SPECC1: variants seen among roughly 807,000 people sequenced by gnomAD.
SPECC1 encodes the protein cytospin-B.
Under a neutral mutation model 104.1 loss-of-function variants are expected in SPECC1, and 62 were observed. The ratio of observed to expected loss-of-function variants is 0.60; its 90% CI spans 0.49 to 0.74. The LOEUF is 0.74. Among genes scored for constraint, SPECC1 ranks in the 30% least tolerant of loss-of-function variants. The probability of loss-of-function intolerance (pLI) is 0.00; values close to 1 mark genes in which losing one functional copy is unlikely to be tolerated. For missense variants in SPECC1, 1,306 were observed against 1,310.5 expected, an observed-to-expected ratio of 1.00 and a Z score of 0.05; for synonymous variants, 513 against 501.6, an observed-to-expected ratio of 1.02 and a Z score of -0.30.
intron 1 of SPECC1, among the ~76,000 whole-genome samples, chr17:20,028,308 T>C (rs1022384325): frequency 2.6e-5 from 4 of 151,998 alleles, no homozygotes; most frequent in Admixed American, 6.6e-5. Flanking sequence ...CCCAGACCTA[T>C]TTGTTGAAAA....
chr17:20,022,646 C>T (rs751968402), intron 1 of SPECC1, among the ~76,000 whole-genome samples: 3 of 152,206 alleles, frequency 2.0e-5, no homozygotes, highest in Non-Finnish European at 4.4e-5. Context: ...TATTTCAGTC[C>T]TGGCTAGAGT....
intron 1 of SPECC1, among the ~76,000 whole-genome samples, chr17:20,048,822 G>T (rs747830766): frequency 3.3e-5 from 5 of 151,992 alleles, no homozygotes; most frequent in Non-Finnish European, 7.4e-5. Flanking sequence ...AACCCAGGAG[G>T]TCGAGGCTGC....
chr17:20,024,697 T>C (rs1430515226), intron 1 of SPECC1, among the ~76,000 whole-genome samples: 1 of 152,150 alleles, frequency 6.6e-6, no homozygotes, highest in Non-Finnish European at 1.5e-5. Context: ...CCCCTTGTTT[T>C]CTGCTTTGCA....
intron 1 of SPECC1, among the ~76,000 whole-genome samples, chr17:20,045,207 G>A (rs546649292): frequency 2.6e-5 from 4 of 151,854 alleles, no homozygotes; most frequent in Non-Finnish European, 4.4e-5. Flanking sequence ...AGCCCATCCT[G>A]CTGCTGCTTG....
chr17:20,295,410 A>G (rs1057004058), intron 12 of SPECC1, among the ~76,000 whole-genome samples: 6 of 152,104 alleles, frequency 3.9e-5, no homozygotes, highest in Non-Finnish European at 8.8e-5. Flanking sequence ...TTCTTAATCC[A>G]GTCTATCATT....
chr17:20,021,952 TA>T (rs1289350356), intron 1 of SPECC1, among the ~76,000 whole-genome samples: 1 of 150,390 alleles, frequency 6.6e-6, no homozygotes, highest in Admixed American at 6.6e-5. Context: ...ATTATTATTA[TA>T]TTTTTTGAGA....
intron 1 of SPECC1, among the ~76,000 whole-genome samples, chr17:20,094,590 G>A (rs2047557031): frequency 6.6e-6 from 1 of 152,104 alleles, no homozygotes; most frequent in African/African-American, 2.4e-5. Context: ...CATTTCAGGG[G>A]TAACCTGGGC....
rs763245009 is a variant in SPECC1, at chr17:20,315,126, AG to A, written c.*1064del. On this transcript the variant is annotated 3_prime_UTR_variant, in exon 15 of 15. Coordinates refer to ENST00000395527, the MANE Select transcript of SPECC1 (RefSeq NM_001243439.2). ...TGTGAATGGCCTGTGTCTGCTTTAC[AG>A]GGTTGAGCAGGCTGAGGGTGTGTGC... 3 of 232,936 alleles carry A rather than the reference AG, an allele frequency of 1.3e-5. No homozygotes were observed. Among genetic ancestry groups the A allele is most frequent in the African/African-American group, 2.2e-5 (1 of 45,342 alleles). 14.4% of individuals were successfully genotyped at this position (232,936 alleles called of 1,614,324 possible).
intron 1 of SPECC1, among the ~76,000 whole-genome samples, chr17:20,016,516 G>GT (rs1567794143): frequency 6.6e-6 from 1 of 152,192 alleles, no homozygotes; most frequent in Non-Finnish European, 1.5e-5. Context: ...GCGGGCCAGC[G>GT]TGAGTTCCCG....
At chr17:20,031,270 A>G (rs995469470) in intron 1 of SPECC1, among the ~76,000 whole-genome samples, 3 of 152,190 alleles carry the variant, frequency 2.0e-5, no homozygotes, top group African/African-American at 7.2e-5. Flanking sequence ...CTGGCATTAT[A>G]GGTGTGAGCC....
chr17:20,040,927 C>T (rs2152453314), intron 1 of SPECC1, among the ~76,000 whole-genome samples: 1 of 152,190 alleles, frequency 6.6e-6, no homozygotes, highest in East Asian at 1.9e-4. Context: ...TGTCTCTTTC[C>T]TGGACCCTGA....
intron 2 of SPECC1, among the ~76,000 whole-genome samples, chr17:20,100,591 C>T (rs138748020): frequency 1.4e-3 from 219 of 152,210 alleles, no homozygotes; most frequent in African/African-American, 5.1e-3. Flanking sequence ...TGAGACAAAT[C>T]CACTGAAAGT....
intron 1 of SPECC1, among the ~76,000 whole-genome samples, chr17:20,075,148 C>T (rs1288393645): frequency 6.6e-6 from 1 of 152,240 alleles, no homozygotes; most frequent in Non-Finnish European, 1.5e-5. Context: ...GGCGATCCAC[C>T]TGCCTTGGCC....
intron 12 of SPECC1, among the ~76,000 whole-genome samples, chr17:20,270,776 T>G (rs984625356): frequency 1.3e-5 from 2 of 152,230 alleles, no homozygotes; most frequent in Admixed American, 6.5e-5. Flanking sequence ...ACTTTCCATT[T>G]TAATATATAT....
chr17:20,176,322 C>T (rs540923768), intron 3 of SPECC1, among the ~76,000 whole-genome samples: 1 of 152,316 alleles, frequency 6.6e-6, no homozygotes, highest in East Asian at 1.9e-4. Context: ...TTCTCCGCCT[C>T]GTTTTCCTAC....
At chr17:20,056,885 G>A (rs555334917) in intron 1 of SPECC1, among the ~76,000 whole-genome samples, 1 of 152,060 alleles carries the variant, frequency 6.6e-6, no homozygotes, top group Non-Finnish European at 1.5e-5. Context: ...CTTATTGTTG[G>A]TGATCTTTGA....
chr17:20,139,493 C>T (rs527287324), intron 3 of SPECC1, among the ~76,000 whole-genome samples: 1 of 152,262 alleles, frequency 6.6e-6, no homozygotes, highest in African/African-American at 2.4e-5. Flanking sequence ...CATGTCTTAA[C>T]CAAACCCATC....
rs776432341 is a variant in SPECC1 at position 20,205,050 on chromosome 17, T to C, written c.1001T>C (p.Ile334Thr). 6.2e-7 allele frequency: 1 copy of C among 1,614,046 alleles called. No homozygotes were observed. The highest frequency in any genetic ancestry group is 1.3e-5 in the African/African-American group (1 of 74,904). Residue 334 changes from isoleucine to threonine, a missense_variant, in exon 4 of 15, where the codon ATT becomes ACT. Around this residue, in one of 2 missense-constraint regions of SPECC1, gnomAD observed 1,177 missense variants for 1,139.9 expected, o/e 1.03. Coordinates refer to ENST00000395527, the MANE Select transcript of SPECC1 (RefSeq NM_001243439.2). ...CCAGATGCTTCCGACTTTGAGCACA[T>C]TACAGCAGAGACACCCTCAAGGCCC... ...LSPDASDFEH[I>T]TAETPSRPLS... is the part of the protein sequence containing the mutation.
At chr17:20,052,317 T>C (rs936618607) in intron 1 of SPECC1, among the ~76,000 whole-genome samples, 1 of 152,222 alleles carries the variant, frequency 6.6e-6, no homozygotes, top group African/African-American at 2.4e-5. Flanking sequence ...AATGTTCATC[T>C]ACAGTTGGTC....
Sources: allele counts gnomAD v4.1 joint callset (sites outside exome capture counted in the v4.1 genomes callset), GRCh38; gene constraint gnomAD v4.1.1; regional missense constraint gnomAD v4.1.1; transcripts MANE v1.5; gene names NCBI Gene and HGNC (gene_info 2026-07-23, HGNC 2026-07-21).